The following RNF130 variants were observed in gnomAD, a reference collection of about 807,000 sequenced individuals.
The protein encoded by RNF130 is E3 ubiquitin-protein ligase RNF130.
In RNF130, 21 loss-of-function variants were observed where a neutral mutation model predicts 44.6. That is an observed-to-expected ratio of 0.47 (90% CI 0.33 to 0.68). The LOEUF (loss-of-function observed/expected upper bound fraction) is 0.68, where lower values mean the gene tolerates loss of function less well. RNF130 is among the 30% of genes least tolerant of loss of function. The pLI is 0.02. For missense variants in RNF130, 479 were observed against 560.6 expected (o/e 0.85, Z 1.47); for synonymous variants, 214 against 210.4 (o/e 1.02, Z -0.15).
chr5:180,041,911 C>T (rs1440448989), intron 1 of RNF130, among the ~76,000 whole-genome samples: 1 of 151,988 alleles, frequency 6.6e-6, no homozygotes, highest in Non-Finnish European at 1.5e-5. Flanking sequence ...ACAAAAAATA[C>T]AAAAAAATTA....
intron 7 of RNF130, among the ~76,000 whole-genome samples, chr5:179,922,801 G>A (rs549904957): frequency 6.6e-6 from 1 of 152,068 alleles, no homozygotes; most frequent in East Asian, 2.0e-4. Context: ...AGGTGTGGTG[G>A]TGAGCACCTG....
chr5:180,054,228 T>C (rs1764753536), intron 1 of RNF130, among the ~76,000 whole-genome samples: 1 of 152,204 alleles, frequency 6.6e-6, no homozygotes, highest in Non-Finnish European at 1.5e-5. Context: ...TCACTCATAT[T>C]GTTTCTTGAG....
intron 7 of RNF130, among the ~76,000 whole-genome samples, chr5:179,930,229 T>G (rs1761788345): frequency 6.6e-6 from 1 of 152,164 alleles, no homozygotes; most frequent in Admixed American, 6.5e-5. Context: ...GGCTAATTTT[T>G]GTATTTTTAG....
At chr5:179,979,115 T>A (rs1181037648) in intron 4 of RNF130, among the ~76,000 whole-genome samples, 1 of 151,836 alleles carries the variant, frequency 6.6e-6, no homozygotes, top group African/African-American at 2.4e-5. Flanking sequence ...GTAGGTTAAA[T>A]CCGCTCCAGG....
At position 180,046,123 on chromosome 5, in the gene RNF130, C is replaced by T. The variant is rs939171407; in HGVS notation, c.248-5476G>A. On this transcript the variant is annotated intron_variant, in intron 1 of 8. Transcript: ENST00000521389. ...CCACGAGAATCTGTGCGCGGTGGAC[C>T]GCGGCGCGTGCAGGCCCACAGTGCT... 6.6e-5 allele frequency among the ~76,000 whole-genome samples: 10 copies of T among 152,298 alleles called. No individual in the cohort carries two copies. In the East Asian group the frequency reaches 1.6e-3, roughly 24 times the overall value.
chr5:180,035,808 C>A (rs1287859279), intron 2 of RNF130, among the ~76,000 whole-genome samples: 1 of 152,134 alleles, frequency 6.6e-6, no homozygotes, highest in East Asian at 1.9e-4. Context: ...TTTCCATTTC[C>A]AAAATTGTAC....
intron 6 of RNF130, among the ~76,000 whole-genome samples, chr5:179,969,526 T>C (rs1762532983): frequency 6.6e-6 from 1 of 152,056 alleles, no homozygotes; most frequent in African/African-American, 2.4e-5. Context: ...ATCATGTCCT[T>C]CTCTCTTTCT....
chr5:180,049,412 A>G (rs1764640366), intron 1 of RNF130, among the ~76,000 whole-genome samples: 1 of 152,192 alleles, frequency 6.6e-6, no homozygotes, highest in Non-Finnish European at 1.5e-5. Context: ...GAAATCTAGC[A>G]TTTTATTTAT....
At chr5:180,014,333 A>C (rs1049378190) in intron 2 of RNF130, among the ~76,000 whole-genome samples, 1 of 152,212 alleles carries the variant, frequency 6.6e-6, no homozygotes, top group Non-Finnish European at 1.5e-5. Context: ...AACTTCTATC[A>C]ATCTATCAGC....
At chr5:180,019,007 G>A (rs1252058255) in intron 2 of RNF130, among the ~76,000 whole-genome samples, 1 of 152,162 alleles carries the variant, frequency 6.6e-6, no homozygotes, top group Non-Finnish European at 1.5e-5. Context: ...TTTTACTATT[G>A]GTTACTCACA....
At chr5:180,049,573 C>T (rs757244839) in intron 1 of RNF130, among the ~76,000 whole-genome samples, 23 of 152,156 alleles carry the variant, frequency 1.5e-4, no homozygotes, top group Non-Finnish European at 2.9e-4. Context: ...TACCATGTCA[C>T]AGACATGTTA....
intron 2 of RNF130, among the ~76,000 whole-genome samples, chr5:180,033,956 TGA>T (rs1444397922): frequency 6.6e-6 from 1 of 152,220 alleles, no homozygotes; most frequent in Admixed American, 6.5e-5. Flanking sequence ...ATACAACTAA[TGA>T]GAGTGGACAT....
intron 3 of RNF130, among the ~76,000 whole-genome samples, chr5:179,987,273 T>G (rs556799703): frequency 3.9e-5 from 6 of 152,218 alleles, no homozygotes; most frequent in African/African-American, 1.4e-4. Flanking sequence ...GCTCAATCCA[T>G]CCTCCTGCCT....
At chr5:180,039,811 G>C (rs1764363871) in intron 2 of RNF130, among the ~76,000 whole-genome samples, 1 of 152,200 alleles carries the variant, frequency 6.6e-6, no homozygotes, top group African/African-American at 2.4e-5. Context: ...TAGGGTGTGA[G>C]CCCTCTTCTG....
intron 3 of RNF130, among the ~76,000 whole-genome samples, chr5:180,012,412 CATCA>C (rs1479291717): frequency 6.6e-6 from 1 of 152,170 alleles, no homozygotes; most frequent in Non-Finnish European, 1.5e-5. Context: ...GTCCACAGCA[CATCA>C]ATCAAACTCA....
rs571590830 is a variant in RNF130, at chr5:179,941,890, T to C, written c.1151-21464A>G. ...GGCTTAATAGAATACTGAAACTGAT[T>C]AACGGAATTTAAAAAATGAAATAGA... On this transcript the variant is annotated intron_variant, in intron 7 of 7. Coordinates refer to the RNF130 transcript ENST00000522208. Among the ~76,000 whole-genome samples, 72 of 152,144 alleles carry C rather than the reference T, an allele frequency of 4.7e-4. 1 individual carries two copies. The highest frequency in any genetic ancestry group is 9.1e-4 in the Non-Finnish European group (62 of 68,018).
Position 180,071,561 on chromosome 5 carries a change from G to A in RNF130, c.142C>T (p.Arg48Cys), listed in dbSNP as rs1164217685. 5.6e-6 allele frequency: 8 copies of A among 1,438,698 alleles called. No individual in the cohort carries two copies. Among genetic ancestry groups the A allele is most frequent in the East Asian group, 2.8e-5 (1 of 36,140 alleles). The allele number at this position is 1,438,698 out of a possible 1,614,324, so 89.1% of individuals were successfully genotyped here. Residue 48 changes from arginine to cysteine, a missense_variant, in exon 1 of 9, where the codon CGC becomes TGC. By Grantham distance (180) the Arg-to-Cys change is radical (BLOSUM62 -3). Coordinates refer to ENST00000521389, the MANE Select transcript of RNF130 (RefSeq NM_018434.6). ...LINVTVQEPG[R>C]GAPLTFRIDR... is the part of the protein sequence containing the mutation. ...ATGCGAAACGTGAGCGGGGCGCCGC[G>A]GCCGGGCTCCTGCACCGTCACGTTG...
chr5:180,037,717 G>T (rs1014716855), intron 2 of RNF130, among the ~76,000 whole-genome samples: 1 of 152,232 alleles, frequency 6.6e-6, no homozygotes, highest in East Asian at 1.9e-4. Flanking sequence ...TGTATCTGGA[G>T]TGAAATTAAT....
chr5:180,032,809 C>T (rs1582205687), intron 2 of RNF130, among the ~76,000 whole-genome samples: 1 of 152,176 alleles, frequency 6.6e-6, no homozygotes, highest in African/African-American at 2.4e-5. Flanking sequence ...AGGTACTTTG[C>T]ATTTCCATAT....
Sources: allele counts gnomAD v4.1 joint callset (sites outside exome capture counted in the v4.1 genomes callset), GRCh38; gene constraint gnomAD v4.1.1; transcripts MANE v1.5; gene names NCBI Gene and HGNC (gene_info 2026-07-23, HGNC 2026-07-21).